The following ANO3 variants were observed in gnomAD, a reference collection of about 807,000 sequenced individuals.
The protein encoded by ANO3 is anoctamin-3.
In ANO3, 99 loss-of-function variants were observed where a neutral mutation model predicts 144.8. The observed-to-expected ratio is 0.68, with a 90% confidence interval of 0.58 to 0.81. The LOEUF is 0.81. Ranked by LOEUF, ANO3 falls within the 30% of genes least tolerant of loss-of-function variation. The pLI, the probability that ANO3 is intolerant of heterozygous loss-of-function variation, is 0.00. For missense variants in ANO3, 905 were observed against 1,202.2 expected, an observed-to-expected ratio of 0.75 and a Z score of 3.66; for synonymous variants, 414 against 392.6, an observed-to-expected ratio of 1.05 and a Z score of -0.64.
intron 6 of ANO3, among the ~76,000 whole-genome samples, chr11:26,525,074 G>A (rs1405706782): frequency 1.3e-5 from 2 of 151,972 alleles, no homozygotes; most frequent in Non-Finnish European, 2.9e-5. Flanking sequence ...TCCCTTTCCT[G>A]GGTATTTCCA....
intron 14 of ANO3, chr11:26,566,965 A>G: frequency 8.5e-7 from 1 of 1,176,580 alleles, no homozygotes; most frequent in Non-Finnish European, 1.1e-6. Flanking sequence ...ATAGATGCTA[A>G]CCTCCATTTA....
intron 1 of ANO3, among the ~76,000 whole-genome samples, chr11:26,318,177 C>A (rs1425447037): frequency 1.3e-5 from 2 of 152,128 alleles, no homozygotes; most frequent in Admixed American, 1.3e-4. Context: ...TTGATGGGTG[C>A]CGCAAACCAC....
intron 1 of ANO3, among the ~76,000 whole-genome samples, chr11:26,266,735 CA>C (rs1187794701): frequency 6.6e-6 from 1 of 151,286 alleles, no homozygotes; most frequent in African/African-American, 2.4e-5. Flanking sequence ...GCCCGGCCAC[CA>C]AATGTAAATA....
At chr11:26,555,931 A>T (rs1850070542) in intron 13 of ANO3, among the ~76,000 whole-genome samples, 1 of 152,148 alleles carries the variant, frequency 6.6e-6, no homozygotes, top group African/African-American at 2.4e-5. Context: ...TTCCTTACAG[A>T]ATCCATTACT....
At chr11:26,298,380 CA>C in intron 1 of ANO3, among the ~76,000 whole-genome samples, 1 of 152,078 alleles carries the variant, frequency 6.6e-6, no homozygotes, top group Admixed American at 6.5e-5. Context: ...TTTAAGCTAA[CA>C]AATCATATAT....
intron 1 of ANO3, among the ~76,000 whole-genome samples, chr11:26,312,989 C>T (rs368794869): frequency 1.6e-3 from 246 of 152,294 alleles, no homozygotes; most frequent in African/African-American, 4.9e-3. Flanking sequence ...ATTCCAAATT[C>T]TTCAGAGAGA....
At chr11:26,254,846 G>C (rs1195891551) in intron 1 of ANO3, among the ~76,000 whole-genome samples, 1 of 152,030 alleles carries the variant, frequency 6.6e-6, no homozygotes. Context: ...CATATTCCCG[G>C]CATTACAGTA....
At position 26,214,556 on chromosome 11, in the gene ANO3, C is replaced by T. The variant is rs985198527; in HGVS notation, c.154+25226C>T. Among the ~76,000 whole-genome samples, 68 of 152,060 alleles carry T rather than the reference C, an allele frequency of 4.5e-4. 1 individual carries two copies. The highest frequency in any genetic ancestry group is 7.4e-5 in the Non-Finnish European group (5 of 67,894). ...ACTTCCCTTCATAGTTTGTCCTCTA[C>T]TCAATTTATGTTTTTCCTTCTCCAT... On this transcript the variant is annotated intron_variant, in intron 1 of 27. Transcript: ENST00000672621.
At chr11:26,460,010 G>A (rs138729338) in intron 3 of ANO3, 17 of 388,956 alleles carry the variant, frequency 4.4e-5, no homozygotes, top group East Asian at 1.7e-4. Context: ...TGATGGATGC[G>A]CCTCCATGAT....
chr11:26,589,335 AT>A (rs1276472948), intron 14 of ANO3, among the ~76,000 whole-genome samples: 1 of 141,110 alleles, frequency 7.1e-6, no homozygotes, highest in Non-Finnish European at 1.6e-5. Context: ...TGAACATTGT[AT>A]TTTTTTTCTA....
At chr11:26,268,931 C>T (rs1247873892) in intron 1 of ANO3, among the ~76,000 whole-genome samples, 2 of 152,154 alleles carry the variant, frequency 1.3e-5, no homozygotes, top group Non-Finnish European at 2.9e-5. Context: ...AAAAATCACT[C>T]CACATGTACA....
intron 18 of ANO3, among the ~76,000 whole-genome samples, chr11:26,628,971 G>A (rs150059356): frequency 6.6e-6 from 1 of 152,144 alleles, no homozygotes; most frequent in Non-Finnish European, 1.5e-5. Flanking sequence ...CTATACACAA[G>A]TGCTTATCCA....
intron 17 of ANO3, among the ~76,000 whole-genome samples, chr11:26,608,189 C>A (rs1851989157): frequency 6.6e-6 from 1 of 152,086 alleles, no homozygotes; most frequent in African/African-American, 2.4e-5. Context: ...ATGGTCAGGT[C>A]TCTCTTCTGT....
At chr11:26,208,051 C>G (rs958453730) in intron 1 of ANO3, 1 of 152,064 alleles carries the variant, frequency 6.6e-6, no homozygotes, top group Admixed American at 6.6e-5. Context: ...CATAGATGAC[C>G]CTTCTTGCTG....
At chr11:26,533,244 G>A (rs1323779441) in intron 8 of ANO3, among the ~76,000 whole-genome samples, 3 of 152,148 alleles carry the variant, frequency 2.0e-5, no homozygotes, top group Non-Finnish European at 4.4e-5. Context: ...CTTTTCAAAG[G>A]AAATAGCTCT....
At chr11:26,289,196 A>G (rs1334039098) in intron 1 of ANO3, among the ~76,000 whole-genome samples, 1 of 152,216 alleles carries the variant, frequency 6.6e-6, no homozygotes, top group South Asian at 2.1e-4. Flanking sequence ...CAGGCAAAAA[A>G]AAAGTAGCAG....
At chr11:26,190,092 A>C (rs749920218) in intron 1 of ANO3, among the ~76,000 whole-genome samples, 50 of 152,192 alleles carry the variant, frequency 3.3e-4, no homozygotes, top group Non-Finnish European at 6.2e-4. Context: ...AACAGCCATA[A>C]TTTGTTTATC....
chr11:26,455,812 G>T (rs1018041929), intron 3 of ANO3, among the ~76,000 whole-genome samples: 2 of 150,268 alleles, frequency 1.3e-5, no homozygotes, highest in African/African-American at 4.9e-5. Flanking sequence ...CACACTACCT[G>T]ACTTCAAACT....
chr11:26,257,158 G>GTATGTATACATATATGTACATATGCA (rs1173262287), intron 1 of ANO3, among the ~76,000 whole-genome samples: 30 of 151,824 alleles, frequency 2.0e-4, no homozygotes, highest in Non-Finnish European at 4.0e-4. Context: ...TGCTAAATAT[G>GTATGTATACATATATGTACATATGCA]TATGTATACA....
Sources: gnomAD v4.1 joint callset for allele counts (sites outside exome capture counted in the v4.1 genomes callset) on GRCh38, gnomAD v4.1.1 for gene constraint, MANE v1.5 for transcripts, NCBI Gene and HGNC (gene_info 2026-07-23, HGNC 2026-07-21) for gene names.